Variants in DOCK2 observed in about 807,000 individuals in gnomAD.
DOCK2 encodes the protein dedicator of cytokinesis 2.
In DOCK2, 87 loss-of-function variants were observed where a neutral mutation model predicts 248.9. The ratio of observed to expected loss-of-function variants is 0.35; its 90% CI spans 0.29 to 0.42. The LOEUF is 0.42. Ranked by LOEUF, DOCK2 falls within the 10% of genes least tolerant of loss-of-function variation. The pLI is 1.00. For missense variants in DOCK2, 1,747 were observed against 2,300.2 expected, an observed-to-expected ratio of 0.76 and a Z score of 4.92; for synonymous variants, 805 against 821.6, an observed-to-expected ratio of 0.98 and a Z score of 0.35.
At chr5:169,713,885 C>T (rs1761725637) in intron 17 of DOCK2, 143 bp from the exon 18 acceptor site, 2 of 876,984 alleles carry the variant, frequency 2.3e-6, no homozygotes, top group Non-Finnish European at 3.2e-6. Context: ...GCCTCACCAG[C>T]CAATGTCTAT....
intron 27 of DOCK2, among the ~76,000 whole-genome samples, chr5:169,930,873 C>T (rs953481054): frequency 1.3e-5 from 2 of 152,140 alleles, no homozygotes; most frequent in Admixed American, 6.5e-5. Flanking sequence ...ACATTCACAA[C>T]AAATTAGCCA....
intron 46 of DOCK2, among the ~76,000 whole-genome samples, chr5:170,074,025 G>A (rs1037510817): frequency 1.3e-5 from 2 of 152,008 alleles, no homozygotes; most frequent in Admixed American, 1.3e-4. Context: ...TGAGATGGAT[G>A]CTTAGCTAAT....
rs368892236 is a variant in DOCK2 at position 169,702,410 on chromosome 5, G to A, written c.1366G>A (p.Asp456Asn). ...AGTCATCATGTGTGTGTGCGCGGAG[G>A]ATGGCAAAACGCTGCCTGTAAGGGA... The part of the protein sequence containing the change: ...VEVIMCVCAE[D>N]GKTLPNAICV... Residue 456 changes from aspartate to asparagine, a missense_variant, in exon 14 of 52, where the codon GAT becomes AAT. Around this residue, in one of 4 missense-constraint regions of DOCK2, gnomAD observed 858 missense variants for 1,183.5 expected, o/e 0.72. Transcript: ENST00000520908. 9 of 1,613,778 alleles carry A rather than the reference G, an allele frequency of 5.6e-6. No individual in the cohort carries two copies. Among genetic ancestry groups the A allele is most frequent in the African/African-American group, 4.0e-5 (3 of 74,900 alleles).
chr5:169,716,405 T>C, intron 20 of DOCK2, 103 bp downstream of exon 20: 1 of 1,146,060 alleles, frequency 8.7e-7, no homozygotes, highest in Non-Finnish European at 1.3e-6. Context: ...ATGGCCTTTT[T>C]CATGAATTCT....
In DOCK2 at chr5:169,703,517, C is replaced by A. The variant is rs60836770; in HGVS notation, c.1383+1090C>A. Among the ~76,000 whole-genome samples, 870 of 152,192 alleles carry A rather than the reference C, an allele frequency of 5.7e-3. 8 individuals are homozygous for A. Among genetic ancestry groups the A allele is most frequent in the African/African-American group, 0.019 (787 of 41,492 alleles). Reference sequence around the variant, plus strand: ...CTCTGAGACACTTCACTACAATGCCCGTACATGTAGCAAAATTCTCCAATT... The same window carrying A: ...CTCTGAGACACTTCACTACAATGCCAGTACATGTAGCAAAATTCTCCAATT... On this transcript the variant is annotated intron_variant, in intron 14 of 51. Transcript: ENST00000520908.
chr5:169,697,208 G>A (rs1469861940), intron 10 of DOCK2, among the ~76,000 whole-genome samples: 2 of 152,158 alleles, frequency 1.3e-5, no homozygotes, highest in African/African-American at 2.4e-5. Context: ...CTGGATCCAG[G>A]AACTCAAATC....
At chr5:169,897,856 G>T (rs147623480) in intron 27 of DOCK2, among the ~76,000 whole-genome samples, 7 of 152,348 alleles carry the variant, frequency 4.6e-5, no homozygotes, top group African/African-American at 1.7e-4. Context: ...TAATAGAGGA[G>T]TGGACTCTCA....
intron 29 of DOCK2, among the ~76,000 whole-genome samples, chr5:169,991,558 G>A (rs1334481881): frequency 6.6e-6 from 1 of 152,216 alleles, no homozygotes; most frequent in African/African-American, 2.4e-5. Flanking sequence ...ATTGCACAGT[G>A]CTATATCCAT....
intron 1 of DOCK2, among the ~76,000 whole-genome samples, chr5:169,640,177 C>T (rs958746741): frequency 2.0e-5 from 3 of 152,258 alleles, no homozygotes; most frequent in African/African-American, 7.2e-5. Flanking sequence ...GGAGTACCTT[C>T]TGAGACACTG....
chr5:169,934,336 G>A (rs1021160412), intron 27 of DOCK2, among the ~76,000 whole-genome samples: 3 of 152,144 alleles, frequency 2.0e-5, no homozygotes, highest in African/African-American at 7.2e-5. Flanking sequence ...AGGTACTTTG[G>A]TAGTTGTCCC....
At chr5:169,823,161 A>G (rs1384121012) in intron 26 of DOCK2, among the ~76,000 whole-genome samples, 1 of 152,212 alleles carries the variant, frequency 6.6e-6, no homozygotes, top group East Asian at 1.9e-4. Flanking sequence ...CCAGGACCAG[A>G]CGGAGTCACA....
chr5:169,948,696 C>G (rs1776543428), intron 27 of DOCK2, among the ~76,000 whole-genome samples: 1 of 150,562 alleles, frequency 6.6e-6, no homozygotes. Flanking sequence ...TCACTGCAGT[C>G]TGGAACTTAT....
intron 44 of DOCK2, among the ~76,000 whole-genome samples, chr5:170,058,026 G>A (rs758326536): frequency 6.6e-6 from 1 of 152,116 alleles, no homozygotes; most frequent in Non-Finnish European, 1.5e-5. Context: ...CCCCTTGGGG[G>A]CACCTGTGCA....
At chr5:169,759,647 T>C (rs1172931393) in intron 23 of DOCK2, 58 bp from the exon 24 acceptor site, 2 of 1,594,186 alleles carry the variant, frequency 1.3e-6, no homozygotes, top group Non-Finnish European at 1.7e-6. Flanking sequence ...GTACCCTCTT[T>C]GCCAGCACAG....
Position 170,045,855 on chromosome 5 carries a change from G to A in DOCK2, c.3916G>A (p.Glu1306Lys). ...EAISLCKELA[E>K]QYEMEIFDYE... ...CATAAGTCTGTGCAAGGAGCTGGCG[G>A]AACAGTACGAGATGGAGATCTTTGA... is the stretch of plus-strand genomic sequence containing the variant. Residue 1306 changes from glutamate (E) to lysine (K), a missense_variant, in exon 39 of 52, where the codon GAA (glutamate) becomes AAA (lysine). Physicochemically the swap from Glu to Lys is moderately conservative, Grantham distance 56. Coordinates refer to ENST00000520908, the MANE Select transcript of DOCK2 (RefSeq NM_004946.3). The A allele has an allele frequency of 6.2e-7, 1 of 1,614,164 alleles. No homozygotes were observed. The highest frequency in any genetic ancestry group is 8.5e-7 in the Non-Finnish European group (1 of 1,180,026).
At chr5:169,698,477 C>A in intron 11 of DOCK2, 28 bp downstream of exon 11, 2 of 1,611,286 alleles carry the variant, frequency 1.2e-6, no homozygotes, top group African/African-American at 2.7e-5. Context: ...TCTTTCCATT[C>A]TCTTCAACCA....
At chr5:170,039,610 G>A (rs941681514) in intron 36 of DOCK2, among the ~76,000 whole-genome samples, 3 of 152,198 alleles carry the variant, frequency 2.0e-5, no homozygotes, top group African/African-American at 4.8e-5. Flanking sequence ...AATCTTTGGC[G>A]GTCCCTGCCC....
At chr5:169,959,372 A>G (rs1478750517) in intron 27 of DOCK2, among the ~76,000 whole-genome samples, 1 of 149,616 alleles carries the variant, frequency 6.7e-6, no homozygotes, top group Non-Finnish European at 1.5e-5. Flanking sequence ...CCGTCTCAAA[A>G]GAAAAAAAAA....
chr5:170,027,302 G>A (rs1194271042), intron 33 of DOCK2, among the ~76,000 whole-genome samples: 1 of 152,124 alleles, frequency 6.6e-6, no homozygotes, highest in Non-Finnish European at 1.5e-5. Flanking sequence ...TCTGGAACTA[G>A]GGAGGGATGC....
Sources: allele counts gnomAD v4.1 joint callset (sites outside exome capture counted in the v4.1 genomes callset), GRCh38; gene constraint gnomAD v4.1.1; regional missense constraint gnomAD v4.1.1; transcripts MANE v1.5; gene names NCBI Gene and HGNC (gene_info 2026-07-23, HGNC 2026-07-21).